PSMA5: variants seen among roughly 807,000 people sequenced by gnomAD.
The protein encoded by PSMA5 is proteasome subunit alpha type-5.
In PSMA5, 3 loss-of-function variants were observed where a neutral mutation model predicts 34.5. That is an observed-to-expected ratio of 0.09 (90% CI 0.04 to 0.22). The LOEUF is 0.22. Among genes scored for constraint, PSMA5 ranks in the 10% least tolerant of loss-of-function variants. The pLI, the probability that PSMA5 is intolerant of heterozygous loss-of-function variation, is 1.00. For synonymous variants in PSMA5, 88 were observed against 95.8 expected, an observed-to-expected ratio of 0.92 and a Z score of 0.47; for missense variants, 120 against 286.1, an observed-to-expected ratio of 0.42 and a Z score of 4.19.
At chr1:109,415,140 G>A in intron 3 of PSMA5, 97 bp downstream of exon 3, 1 of 1,382,984 alleles carries the variant, frequency 7.2e-7, no homozygotes, top group East Asian at 2.4e-5. Flanking sequence ...GCTAACAAGG[G>A]GATAACGTGT....
At chr1:109,402,484 G>T (rs576126469) in intron 8 of PSMA5, among the ~76,000 whole-genome samples, 1 of 152,198 alleles carries the variant, frequency 6.6e-6, no homozygotes, top group Admixed American at 6.5e-5. Context: ...GCTTGTGTGT[G>T]TGACTTGAGG....
intron 8 of PSMA5, among the ~76,000 whole-genome samples, chr1:109,404,971 G>T (rs1653687781): frequency 6.6e-6 from 1 of 152,234 alleles, no homozygotes; most frequent in South Asian, 2.1e-4. Context: ...TTAAAGCATG[G>T]CAAGAATGGG....
intron 6 of PSMA5, among the ~76,000 whole-genome samples, chr1:109,411,471 A>G (rs1653985514): frequency 6.6e-6 from 1 of 152,218 alleles, no homozygotes; most frequent in Non-Finnish European, 1.5e-5. Context: ...TTCCAGAATT[A>G]GCACTGGTTC....
At chr1:109,413,594 A>G (rs1230017050) in intron 3 of PSMA5, among the ~76,000 whole-genome samples, 1 of 152,236 alleles carries the variant, frequency 6.6e-6, no homozygotes. Context: ...GCAACTAGTT[A>G]TATCAGAGAG....
intron 2 of PSMA5, among the ~76,000 whole-genome samples, chr1:109,419,913 G>GC (rs2100972185): frequency 6.7e-6 from 1 of 150,336 alleles, no homozygotes; most frequent in East Asian, 2.0e-4. Flanking sequence ...GGTTGAGGCT[G>GC]CAGTGACCTG....
chr1:109,419,798 C>CTA (rs1654363057), intron 2 of PSMA5, among the ~76,000 whole-genome samples: 1 of 31,018 alleles, frequency 3.2e-5, no homozygotes, highest in African/African-American at 1.2e-4. Flanking sequence ...GACTCCGTCT[C>CTA]AAAAAAAAAA....
chr1:109,412,957 G>T, intron 4 of PSMA5, 111 bp downstream of exon 4: 2 of 885,086 alleles, frequency 2.3e-6, no homozygotes, highest in Non-Finnish European at 3.6e-6. Context: ...TTACTCCCAA[G>T]AGCCACATCT....
Position 109,414,325 on chromosome 1 carries a change from C to A in PSMA5, c.223+912G>T, listed in dbSNP as rs150305300. On this transcript the variant is annotated intron_variant, in intron 3 of 8. Transcript: ENST00000271308. ...TCCTTTTCTGAAAGCCCCACTACCG[C>A]TGACTCCAGGCAAAACTAATTATTT... is the stretch of plus-strand genomic sequence containing the variant. 2.4e-3 allele frequency among the ~76,000 whole-genome samples: 361 copies of A among 152,330 alleles called. 1 individual carries two copies. The highest frequency in any genetic ancestry group is 3.7e-3 in the Non-Finnish European group (253 of 68,038).
At chr1:109,407,146 C>T (rs1421520389) in intron 8 of PSMA5, among the ~76,000 whole-genome samples, 2 of 152,136 alleles carry the variant, frequency 1.3e-5, no homozygotes, top group Non-Finnish European at 2.9e-5. Flanking sequence ...CCACCATACC[C>T]GGCTAATTTT....
chr1:109,426,126 G>A, intron 1 of PSMA5, 176 bp downstream of exon 1: 1 of 771,882 alleles, frequency 1.3e-6, no homozygotes. Flanking sequence ...AAGTGCCGCC[G>A]ATGTGGTCTA....
intron 2 of PSMA5, among the ~76,000 whole-genome samples, chr1:109,418,718 T>G (rs1654315377): frequency 6.6e-6 from 1 of 152,138 alleles, no homozygotes; most frequent in Admixed American, 6.5e-5. Context: ...GTACTGAGAT[T>G]ATAGGGATGA....
In PSMA5 at chr1:109,412,056, C is replaced by T. The variant is rs370565993; in HGVS notation, c.399+21G>A. On this transcript the variant is annotated intron_variant, in intron 5 of 8. Coordinates refer to ENST00000271308, the MANE Select transcript of PSMA5 (RefSeq NM_002790.4). ...AGTCCCATAGAACAATAAGAAAACT[C>T]GACAGAAGTATCACACTCACCATGG... 49 of 1,606,968 alleles carry T rather than the reference C, an allele frequency of 3.0e-5. No individual in the cohort carries two copies. In the African/African-American group the frequency reaches 4.0e-4, roughly 13 times the overall value.
chr1:109,407,408 C>CCTTCTTAGA (rs1653816246), intron 8 of PSMA5, among the ~76,000 whole-genome samples: 1 of 152,176 alleles, frequency 6.6e-6, no homozygotes, highest in Non-Finnish European at 1.5e-5. Context: ...AAATGTCAGT[C>CCTTCTTAGA]CTTCTTAGAC....
chr1:109,412,643 A>AAC (rs397699613), intron 4 of PSMA5: 7 of 171,400 alleles, frequency 4.1e-5, no homozygotes, highest in African/African-American at 1.7e-4. Flanking sequence ...AAAAAAAAAA[A>AAC]CAGTATCCCT....
chr1:109,416,864 G>A (rs1450196966), intron 2 of PSMA5, among the ~76,000 whole-genome samples: 1 of 152,202 alleles, frequency 6.6e-6, no homozygotes, highest in African/African-American at 2.4e-5. Flanking sequence ...CAGCACTTTG[G>A]GAGGCTGAGG....
chr1:109,410,210 A>C (rs1653936954), intron 7 of PSMA5, among the ~76,000 whole-genome samples, 196 bp from the exon 8 acceptor site: 1 of 152,148 alleles, frequency 6.6e-6, no homozygotes, highest in South Asian at 2.1e-4. Context: ...AGGAAAAAAA[A>C]CCCCCAAACC....
At chr1:109,426,167 G>A (rs1654648935) in intron 1 of PSMA5, 135 bp downstream of exon 1, 4 of 1,212,538 alleles carry the variant, frequency 3.3e-6, no homozygotes, top group East Asian at 2.4e-5. Context: ...CGCCTGAGGA[G>A]GGCATAACAT....
At chr1:109,408,707 TC>T (rs1376602070) in intron 8 of PSMA5, among the ~76,000 whole-genome samples, 19 of 151,938 alleles carry the variant, frequency 1.3e-4, no homozygotes, top group Non-Finnish European at 2.8e-4. Context: ...TTTTTTTTTT[TC>T]GGGACGGAGT....
chr1:109,410,231 C>A (rs1183157894), intron 7 of PSMA5, among the ~76,000 whole-genome samples: 1 of 151,984 alleles, frequency 6.6e-6, no homozygotes, highest in Non-Finnish European at 1.5e-5. Context: ...TTATTGTGAG[C>A]CACAATAAAG....
Sources: gnomAD v4.1 joint callset for allele counts (sites outside exome capture counted in the v4.1 genomes callset) on GRCh38, gnomAD v4.1.1 for gene constraint, MANE v1.5 for transcripts, NCBI Gene and HGNC (gene_info 2026-07-23, HGNC 2026-07-21) for gene names.